ZNF69: variants seen among roughly 807,000 people sequenced by gnomAD.
ZNF69 encodes the protein zinc finger protein 69.
In ZNF69, 47 loss-of-function variants were observed where a neutral mutation model predicts 50.9. The observed-to-expected ratio is 0.92, with a 90% CI of 0.73 to 1.18. ZNF69 has a LOEUF of 1.18. Ranked by LOEUF, ZNF69 falls within the 50% of genes most tolerant of loss-of-function variation. The probability of loss-of-function intolerance (pLI) is 0.00; values close to 1 mark genes in which losing one functional copy is unlikely to be tolerated. For synonymous variants in ZNF69, 216 were observed against 223.1 expected (o/e 0.97, Z 0.29); for missense variants, 717 against 675.1 (o/e 1.06, Z -0.69).
intron 1 of ZNF69, among the ~76,000 whole-genome samples, chr19:11,899,481 T>A (rs944411982): frequency 2.0e-5 from 3 of 152,098 alleles, no homozygotes; most frequent in Non-Finnish European, 4.4e-5. Context: ...GTTACCATAG[T>A]TTGTTTCTTT....
At chr19:11,911,700 T>G (rs1242912042) in intron 4 of ZNF69, among the ~76,000 whole-genome samples, 1 of 152,060 alleles carries the variant, frequency 6.6e-6, no homozygotes, top group African/African-American at 2.4e-5. Flanking sequence ...GAGATAGCAC[T>G]GGGAGATATA....
At chr19:11,927,549 T>A in the ZNF69 span, among the ~76,000 whole-genome samples, 1 of 152,094 alleles carries the variant, frequency 6.6e-6, no homozygotes, top group Admixed American at 6.6e-5. Flanking sequence ...TGTCTTTAAG[T>A]TTTTCTTATG....
At chr19:11,924,431 CAA>C in the ZNF69 span, among the ~76,000 whole-genome samples, 11 of 65,186 alleles carry the variant, frequency 1.7e-4, no homozygotes, top group African/African-American at 1.8e-4. Context: ...GACTCCGTCT[CAA>C]AAAAAAAAAA....
rs182728299 is a variant in ZNF69, at chr19:11,899,107, T to C, written c.64-4466T>C. Reference sequence around the variant, plus strand: ...TGCTCCTCCTAATTCTATCTCTCCCTTCCCTCTTTTGCCACCCCTATTTAT... The same window carrying C: ...TGCTCCTCCTAATTCTATCTCTCCCCTCCCTCTTTTGCCACCCCTATTTAT... On this transcript the variant is annotated intron_variant, in intron 1 of 3. Transcript: ENST00000429654. Among the ~76,000 whole-genome samples the C allele has an allele frequency of 2.1e-3, 321 of 152,286 alleles. 1 individual carries two copies. Among genetic ancestry groups the C allele is most frequent in the African/African-American group, 6.7e-3 (280 of 41,568 alleles).
At chr19:11,977,203 A>C in the ZNF69 span, 26 of 1,611,434 alleles carry the variant, frequency 1.6e-5, no homozygotes, top group Middle Eastern at 3.3e-4. Flanking sequence ...TCCATTAGTG[A>C]ACCAGTGTTT....
chr19:11,965,025 G>C, the ZNF69 span: 2 of 644,698 alleles, frequency 3.1e-6, no homozygotes, highest in Non-Finnish European at 5.5e-6. Flanking sequence ...TCCAGGCACA[G>C]AGTGGGTCGC....
chr19:11,887,812 T>C lies in ZNF69; in HGVS notation c.-112T>C, dbSNP rs1976982370. 1.1e-6 allele frequency: 1 copy of C among 880,870 alleles called. No individual in the cohort carries two copies. Among genetic ancestry groups the C allele is most frequent in the Admixed American group, 2.2e-5 (1 of 45,930 alleles). 54.6% of individuals were successfully genotyped at this position (880,870 alleles called of 1,614,324 possible). A position where few individuals can be genotyped will look rare whatever the true frequency, so the allele number is the denominator to read the frequency against. ...TCCTCCAGACACTGAGGGGGTCGCATTCCTTACCTCACCTTTGTCCCTGCG... is the reference window on the plus strand; with the variant it reads ...TCCTCCAGACACTGAGGGGGTCGCACTCCTTACCTCACCTTTGTCCCTGCG... On this transcript the variant is annotated 5_prime_UTR_variant, in exon 1 of 4. Transcript: ENST00000429654.
Position 11,904,885 on chromosome 19 carries a change from C to G in ZNF69, c.488C>G (p.Pro163Arg). 3 of 1,614,156 alleles carry G rather than the reference C, an allele frequency of 1.9e-6. No individual in the cohort carries two copies. The highest frequency in any genetic ancestry group is 2.5e-6 in the Non-Finnish European group (3 of 1,180,026). The change falls in exon 4 of 4, where the codon CCA becomes CGA. Residue 163 changes from proline (P) to arginine (R), a missense_variant. Pro to Arg is a moderately radical substitution (Grantham distance 103). Coordinates refer to ENST00000429654, the MANE Select transcript of ZNF69 (RefSeq NM_001364730.1). ...AYEYQEYGPK[P>R]CKCQQPKKAF... ...GAGTATCAGGAATATGGACCGAAGC[C>G]ATGTAAGTGTCAACAACCTAAAAAA... is the stretch of plus-strand genomic sequence containing the variant.
At chr19:11,973,134 T>C in the ZNF69 span, among the ~76,000 whole-genome samples, 253 of 152,322 alleles carry the variant, frequency 1.7e-3, 2 homozygotes, top group African/African-American at 5.7e-3. Flanking sequence ...CACAGTCTTA[T>C]ACAGAAACGT....
At chr19:11,912,570 CT>C (rs1462832579) in intron 4 of ZNF69, among the ~76,000 whole-genome samples, 1 of 151,978 alleles carries the variant, frequency 6.6e-6, no homozygotes, top group Non-Finnish European at 1.5e-5. Context: ...TCTTCCACTT[CT>C]TTTCAATATC....
At chr19:11,909,250 G>A (rs1972423132), downstream of ZNF69, among the ~76,000 whole-genome samples, 1 of 152,134 alleles carries the variant, frequency 6.6e-6, no homozygotes, top group Non-Finnish European at 1.5e-5. Flanking sequence ...GGTACAAAGA[G>A]GAGCTAGTAC....
chr19:11,910,431 G>T (rs939232777), downstream of ZNF69, among the ~76,000 whole-genome samples: 4 of 152,120 alleles, frequency 2.6e-5, no homozygotes, highest in Non-Finnish European at 4.4e-5. Flanking sequence ...ATACTACAAG[G>T]CTACAGTAAC....
chr19:11,947,133 G>A, the ZNF69 span: 1 of 1,600,940 alleles, frequency 6.2e-7, no homozygotes, highest in South Asian at 1.1e-5. Flanking sequence ...TAGGCCTCCA[G>A]TGCTGTCACT....
At chr19:11,940,730 C>T in the ZNF69 span, among the ~76,000 whole-genome samples, 2 of 152,204 alleles carry the variant, frequency 1.3e-5, no homozygotes, top group African/African-American at 2.4e-5. Context: ...TATCTGGCCC[C>T]ACCCACATCC....
chr19:11,979,641 G>A, the ZNF69 span: 1 of 1,605,538 alleles, frequency 6.2e-7, no homozygotes, highest in South Asian at 1.1e-5. Context: ...TGTAAGCAAT[G>A]TGGGAAAGCC....
chr19:11,914,952 C>T (rs1219280704), downstream of ZNF69, among the ~76,000 whole-genome samples: 3 of 152,168 alleles, frequency 2.0e-5, no homozygotes, highest in Non-Finnish European at 4.4e-5. Flanking sequence ...ACCTGTAATC[C>T]CACCACTTTG....
chr19:11,945,389 C>T, the ZNF69 span, among the ~76,000 whole-genome samples: 6 of 152,204 alleles, frequency 3.9e-5, no homozygotes, highest in Non-Finnish European at 5.9e-5. Flanking sequence ...ATTGACCAAG[C>T]ACAAGTCCTG....
At chr19:11,969,664 T>C in the ZNF69 span, among the ~76,000 whole-genome samples, 1 of 152,194 alleles carries the variant, frequency 6.6e-6, no homozygotes, top group African/African-American at 2.4e-5. Flanking sequence ...TTTCCAAATA[T>C]ATGGGATGCA....
chr19:11,940,760 G>A, the ZNF69 span, among the ~76,000 whole-genome samples: 3 of 152,178 alleles, frequency 2.0e-5, no homozygotes, highest in African/African-American at 4.8e-5. Context: ...GTATAGCCGA[G>A]TGGTCTGTTT....
Sources: allele counts gnomAD v4.1 joint callset (sites outside exome capture counted in the v4.1 genomes callset), GRCh38; gene constraint gnomAD v4.1.1; transcripts MANE v1.5; gene names NCBI Gene and HGNC (gene_info 2026-07-23, HGNC 2026-07-21).